SLC35F3: variants seen among roughly 807,000 people sequenced by gnomAD.
SLC35F3 encodes the protein solute carrier family 35 member F3, also known as putative thiamine transporter SLC35F3.
In SLC35F3, 25 loss-of-function variants were observed where a neutral mutation model predicts 49.9. The ratio of observed to expected loss-of-function variants is 0.50; its 90% confidence interval spans 0.37 to 0.70. SLC35F3 has a LOEUF of 0.70. Ranked by LOEUF, SLC35F3 falls within the 30% of genes least tolerant of loss-of-function variation. The probability of loss-of-function intolerance (pLI) is 0.00; values close to 1 mark genes in which losing one functional copy is unlikely to be tolerated. For synonymous variants in SLC35F3, 275 were observed against 265.4 expected, an observed-to-expected ratio of 1.04 and a Z score of -0.35; for missense variants, 525 against 639.8, an observed-to-expected ratio of 0.82 and a Z score of 1.94.
chr1:234,299,721 C>T (rs1314352270), intron 3 of SLC35F3, among the ~76,000 whole-genome samples: 1 of 140,058 alleles, frequency 7.1e-6, no homozygotes, highest in Middle Eastern at 4.0e-3. Context: ...AGGAGAATGG[C>T]ATGAACCTGG....
chr1:234,030,383 T>C (rs2199074), intron 2 of SLC35F3, among the ~76,000 whole-genome samples: 37,664 of 152,010 alleles, frequency 0.25, 9,594 homozygotes, highest in African/African-American at 0.64. Context: ...CCACAGGTGC[T>C]CACAGCTCAT....
At chr1:233,994,594 C>A (rs1272249555) in intron 2 of SLC35F3, among the ~76,000 whole-genome samples, 1 of 152,032 alleles carries the variant, frequency 6.6e-6, no homozygotes, top group African/African-American at 2.4e-5. Flanking sequence ...GCCTGCTCAG[C>A]CCAAGGGAGT....
At chr1:234,139,204 G>A (rs1368837624) in intron 2 of SLC35F3, among the ~76,000 whole-genome samples, 1 of 152,202 alleles carries the variant, frequency 6.6e-6, no homozygotes, top group Non-Finnish European at 1.5e-5. Flanking sequence ...GTAAAAGTTG[G>A]TGGTCACAAG....
intron 3 of SLC35F3, among the ~76,000 whole-genome samples, chr1:234,282,394 C>T (rs896736261): frequency 6.6e-6 from 1 of 152,210 alleles, no homozygotes; most frequent in Non-Finnish European, 1.5e-5. Context: ...GGTCTTCTCC[C>T]ACCCCTGCCC....
intron 2 of SLC35F3, among the ~76,000 whole-genome samples, chr1:233,907,715 GT>G (rs79176471): frequency 0.65 from 97,913 of 150,650 alleles, 32,016 homozygotes; most frequent in Non-Finnish European, 0.68. Flanking sequence ...TTGTCTTTTT[GT>G]TTTTTTTTTC....
intron 2 of SLC35F3, among the ~76,000 whole-genome samples, chr1:233,981,629 C>G (rs1453176552): frequency 6.6e-6 from 1 of 150,712 alleles, no homozygotes; most frequent in African/African-American, 2.4e-5. Context: ...CATTCATGTA[C>G]AGGTCTTTGT....
chr1:234,284,377 C>T (rs146276880), intron 3 of SLC35F3, among the ~76,000 whole-genome samples: 189 of 152,280 alleles, frequency 1.2e-3, no homozygotes, highest in African/African-American at 4.1e-3. Flanking sequence ...AACTGTTTGC[C>T]ACATAGCACG....
At chr1:234,063,469 C>T (rs1245173434) in intron 2 of SLC35F3, among the ~76,000 whole-genome samples, 4 of 152,138 alleles carry the variant, frequency 2.6e-5, no homozygotes, top group African/African-American at 9.7e-5. Context: ...GTGATTACCC[C>T]TATCTTGTCT....
chr1:233,930,074 A>T (rs6680312), intron 2 of SLC35F3, among the ~76,000 whole-genome samples: 48,861 of 151,520 alleles, frequency 0.32, 8,501 homozygotes, highest in Admixed American at 0.5. Context: ...TCTTGAGTTT[A>T]TGAGTTTGAA....
At chr1:234,315,624 G>C (rs1657470182) in intron 4 of SLC35F3, among the ~76,000 whole-genome samples, 1 of 152,224 alleles carries the variant, frequency 6.6e-6, no homozygotes. Flanking sequence ...CGACCACTCA[G>C]TTAACCTTAG....
intron 2 of SLC35F3, among the ~76,000 whole-genome samples, chr1:233,947,439 T>C (rs888073069): frequency 9.3e-5 from 14 of 150,440 alleles, no homozygotes; most frequent in African/African-American, 2.5e-4. Flanking sequence ...GAAGTCTTAG[T>C]GGGCATTATC....
intron 2 of SLC35F3, among the ~76,000 whole-genome samples, chr1:233,955,544 A>G (rs1662682916): frequency 6.6e-6 from 1 of 152,084 alleles, no homozygotes; most frequent in South Asian, 2.1e-4. Context: ...GAGGACACGT[A>G]TGAGGATGAT....
intron 2 of SLC35F3, among the ~76,000 whole-genome samples, chr1:233,919,484 C>A (rs903888236): frequency 1.3e-5 from 2 of 152,116 alleles, no homozygotes; most frequent in Non-Finnish European, 2.9e-5. Context: ...GAGATTTAGA[C>A]TTCTGGTTCA....
At chr1:234,041,336 T>C (rs1185106240) in intron 2 of SLC35F3, among the ~76,000 whole-genome samples, 1 of 152,152 alleles carries the variant, frequency 6.6e-6, no homozygotes, top group African/African-American at 2.4e-5. Flanking sequence ...GTCCACCTTC[T>C]GTACATAGTC....
At chr1:234,275,778 A>G (rs1668200247) in intron 3 of SLC35F3, among the ~76,000 whole-genome samples, 1 of 150,716 alleles carries the variant, frequency 6.6e-6, no homozygotes, top group Non-Finnish European at 1.5e-5. Flanking sequence ...ATATATATAT[A>G]TATAGCACAG....
intron 2 of SLC35F3, among the ~76,000 whole-genome samples, chr1:233,978,303 T>C (rs1483780283): frequency 6.6e-6 from 1 of 152,252 alleles, no homozygotes; most frequent in African/African-American, 2.4e-5. Flanking sequence ...TGAGGTTGTA[T>C]GTGGAACCAC....
intron 2 of SLC35F3, among the ~76,000 whole-genome samples, chr1:234,115,583 A>T (rs1036449312): frequency 3.3e-5 from 5 of 152,190 alleles, no homozygotes; most frequent in African/African-American, 1.2e-4. Context: ...AACATGTTCA[A>T]CTTTTTATTT....
At chr1:234,073,344 C>T (rs1273361876) in intron 2 of SLC35F3, among the ~76,000 whole-genome samples, 2 of 152,102 alleles carry the variant, frequency 1.3e-5, no homozygotes, top group Non-Finnish European at 2.9e-5. Flanking sequence ...TGGGATCGCA[C>T]TGTGTTACAC....
intron 3 of SLC35F3, among the ~76,000 whole-genome samples, chr1:234,240,245 G>A (rs764284854): frequency 8.5e-5 from 13 of 152,174 alleles, no homozygotes; most frequent in East Asian, 1.9e-4. Flanking sequence ...TGAGTCGGGC[G>A]GATCACTTGA....
Sources: gnomAD v4.1 joint callset for allele counts (sites outside exome capture counted in the v4.1 genomes callset) on GRCh38, gnomAD v4.1.1 for gene constraint, MANE v1.5 for transcripts, NCBI Gene and HGNC (gene_info 2026-07-23, HGNC 2026-07-21) for gene names.